Variants in BIN1 observed in about 807,000 individuals in gnomAD.
The protein encoded by BIN1 is myc box-dependent-interacting protein 1.
BIN1 carries 53 observed loss-of-function variants against 82.0 expected under a neutral mutation model. The observed-to-expected ratio is 0.65, with a 90% confidence interval of 0.52 to 0.81. The LOEUF (loss-of-function observed/expected upper bound fraction) is 0.81, where lower values mean the gene tolerates loss of function less well. Among genes scored for constraint, BIN1 ranks in the 40% least tolerant of loss-of-function variants. The pLI is 0.00. For synonymous variants in BIN1, 302 were observed against 328.0 expected (o/e 0.92, Z 0.86); for missense variants, 642 against 784.4 (o/e 0.82, Z 2.17).
intron 1 of BIN1, 148 bp from the exon 2 acceptor site, chr2:127,076,854 A>G: frequency 1.2e-6 from 1 of 841,550 alleles, no homozygotes; most frequent in Middle Eastern, 3.3e-4. Context: ...CAGGGCTGCA[A>G]TCCCAGGGCA....
intron 12 of BIN1, 157 bp from the exon 13 acceptor site, chr2:127,054,169 G>A: frequency 1.5e-6 from 1 of 679,994 alleles, no homozygotes; most frequent in South Asian, 1.7e-5. Flanking sequence ...ACACACGCTG[G>A]CACACAGCCC....
rs1256419436 is a variant in BIN1 at position 127,057,516 on chromosome 2, T to TCAAACA, written c.1082_1087dup (p.Phe362_Glu363insValPhe). 6.5e-6 allele frequency: 10 copies of TCAAACA among 1,547,212 alleles called. No individual in the cohort carries two copies. The highest frequency in any genetic ancestry group is 7.9e-6 in the Non-Finnish European group (9 of 1,144,066). On this transcript the variant is annotated inframe_insertion, in exon 12 of 19. Coordinates refer to ENST00000316724, the MANE Select transcript of BIN1 (RefSeq NM_139343.3). This position sits in a 1 kb window ranked among gnomAD's most constrained non-coding sequence, Gnocchi z 5.0. ...GCTGATCTCAGGGACAAACGTGTCC[T>TCAAACA]CAAACAGGCTGAGGATCTGCTCCTG...
chr2:127,092,809 C>T (rs557103494), intron 1 of BIN1, among the ~76,000 whole-genome samples: 2 of 152,272 alleles, frequency 1.3e-5, no homozygotes, highest in East Asian at 3.9e-4. Flanking sequence ...GCAGGGACCC[C>T]ATGAAGGAGA....
intron 2 of BIN1, among the ~76,000 whole-genome samples, chr2:127,073,956 G>A (rs1005325867): frequency 3.3e-5 from 5 of 152,176 alleles, no homozygotes; most frequent in Admixed American, 2.0e-4. Context: ...CCAGCGCCAG[G>A]TGGGCCCAGG....
In BIN1 at chr2:127,057,683, C is replaced by A; in HGVS notation, c.1003-82G>T. ...TTGGGGGAGACAGACAGAGACAAAG[C>A]CACGGTTAGTCACACCTCAGGCCAC... On this transcript the variant is annotated intron_variant, in intron 11 of 18. Coordinates refer to ENST00000316724, the MANE Select transcript of BIN1 (RefSeq NM_139343.3). This position sits in a 1 kb window ranked among gnomAD's most constrained non-coding sequence, Gnocchi z 5.0. 7.0e-7 allele frequency: 1 copy of A among 1,426,466 alleles called. No individual in the cohort carries two copies. Among genetic ancestry groups the A allele is most frequent in the Non-Finnish European group, 9.2e-7 (1 of 1,085,090 alleles). The allele number at this position is 1,426,466 out of a possible 1,614,324, so 88.4% of individuals were successfully genotyped here.
At position 127,059,936 on chromosome 2, in the gene BIN1, A is replaced by G. The variant is rs573378920; in HGVS notation, c.858-781T>C. 6.6e-5 allele frequency among the ~76,000 whole-genome samples: 10 copies of G among 152,308 alleles called. No individual in the cohort carries two copies. Among genetic ancestry groups the G allele is most frequent in the Non-Finnish European group, 1.5e-4 (10 of 68,022 alleles). ...GCCCAGTACGGTTGCCACTAGCCAC[A>G]GGCGGCAATGCAAACTCAAAGCAAT... On this transcript the variant is annotated intron_variant, in intron 10 of 18. Transcript: ENST00000316724. This position sits in a 1 kb window ranked among gnomAD's most constrained non-coding sequence, Gnocchi z 6.7.
intron 15 of BIN1, 84 bp from the exon 16 acceptor site, chr2:127,051,327 C>T: frequency 6.9e-7 from 1 of 1,443,622 alleles, no homozygotes; most frequent in Non-Finnish European, 9.6e-7. Context: ...AGGGCAGCAC[C>T]CAAGCGACAG....
At chr2:127,101,314 G>A (rs776574953) in intron 1 of BIN1, among the ~76,000 whole-genome samples, 4 of 152,166 alleles carry the variant, frequency 2.6e-5, no homozygotes, top group Admixed American at 1.3e-4. Flanking sequence ...CCATCCTCCC[G>A]TGGGTGCCCC....
chr2:127,099,590 T>C (rs976472266), intron 1 of BIN1, among the ~76,000 whole-genome samples: 14 of 152,216 alleles, frequency 9.2e-5, no homozygotes, highest in Non-Finnish European at 2.9e-5. Flanking sequence ...CTGGGCTCAC[T>C]GCAACCGCCG....
rs1686827025 is a variant in BIN1 at position 127,077,963 on chromosome 2, C to G, written c.85-1257G>C. Among the ~76,000 whole-genome samples, 3 of 152,168 alleles carry G rather than the reference C, an allele frequency of 2.0e-5. No homozygotes were observed. In the South Asian group the frequency reaches 6.2e-4, roughly 32 times the overall value. Reference sequence around the variant, plus strand: ...GGTGGGCCCAGGAGCGGTGGGGAGCCCCAGGAGCAAAGGGCCAGCCCAGCA... The same window carrying G: ...GGTGGGCCCAGGAGCGGTGGGGAGCGCCAGGAGCAAAGGGCCAGCCCAGCA... On this transcript the variant is annotated intron_variant, in intron 1 of 18. Transcript: ENST00000316724.
Position 127,068,681 on chromosome 2 carries a change from G to T in BIN1, c.519+243C>A, listed in dbSNP as rs1685474011. Among the ~76,000 whole-genome samples, 1 of 152,186 alleles carries T rather than the reference G, an allele frequency of 6.6e-6. No homozygotes were observed. The highest frequency in any genetic ancestry group is 1.5e-5 in the Non-Finnish European group (1 of 68,024). ...ACCCAGGAGGCCCATTCTCAGGCTG[G>T]CAGGTGGCCTGGATCAGGGCTGAGG... On this transcript the variant is annotated intron_variant, in intron 6 of 18. Coordinates refer to ENST00000316724, the MANE Select transcript of BIN1 (RefSeq NM_139343.3). The surrounding 1 kb of genome is among the most constrained non-coding windows in gnomAD (Gnocchi z 4.9).
intron 2 of BIN1, among the ~76,000 whole-genome samples, chr2:127,076,113 T>A (rs1458178580): frequency 6.6e-6 from 1 of 150,732 alleles, no homozygotes; most frequent in Non-Finnish European, 1.5e-5. Context: ...CCAGCTGCCC[T>A]CAGCCCTCTC....
At position 127,073,069 on chromosome 2, in the gene BIN1, C is replaced by G. The variant is rs924505509; in HGVS notation, c.166-2253G>C. ...CCCCATGGGGTGGGTCGTTGTGCTC[C>G]CCCGGGCTTCAGGCCGTACCAGGGC... On this transcript the variant is annotated intron_variant, in intron 2 of 18. Coordinates refer to ENST00000316724, the MANE Select transcript of BIN1 (RefSeq NM_139343.3). Among the ~76,000 whole-genome samples, 3 of 152,216 alleles carry G rather than the reference C, an allele frequency of 2.0e-5. No individual in the cohort carries two copies. In the East Asian group the frequency reaches 5.8e-4, roughly 29 times the overall value.
chr2:127,086,942 G>A (rs916487343), intron 1 of BIN1, among the ~76,000 whole-genome samples: 6 of 152,106 alleles, frequency 3.9e-5, no homozygotes, highest in African/African-American at 9.7e-5. Context: ...ACACTTTTCC[G>A]TGGTCCCCTG....
intron 10 of BIN1, chr2:127,060,703 C>A: frequency 6.3e-7 from 1 of 1,599,008 alleles, no homozygotes; most frequent in Non-Finnish European, 8.6e-7. Flanking sequence ...CAGAACTGGC[C>A]TGTCCCCTTC....
intron 13 of BIN1, chr2:127,053,692 G>A (rs1022605491): frequency 2.8e-6 from 2 of 707,160 alleles, no homozygotes; most frequent in Non-Finnish European, 5.0e-6. Context: ...TTGCCAGGAA[G>A]TGTTCAGTAA....
intron 12 of BIN1, chr2:127,054,799 GT>G (rs1222753773): frequency 6.6e-6 from 1 of 152,332 alleles, no homozygotes; most frequent in Non-Finnish European, 1.5e-5. Context: ...ATGGGACACG[GT>G]GGCCCTGGCC....
rs1377710084 is a variant in BIN1, at chr2:127,090,532, A to G, written c.85-13826T>C. ...CCACACAAGTGCGGGTGCTATTCTC[A>G]GCCCAGCTCCAGGACACTGGCCATA... On this transcript the variant is annotated intron_variant, in intron 1 of 18. Transcript: ENST00000316724. This position sits in a 1 kb window ranked among gnomAD's most constrained non-coding sequence, Gnocchi z 6.4. Among the ~76,000 whole-genome samples the G allele has an allele frequency of 6.6e-6, 1 of 152,178 alleles. No homozygotes were observed. The highest frequency in any genetic ancestry group is 1.5e-5 in the Non-Finnish European group (1 of 68,026).
At chr2:127,077,414 C>T (rs919106478) in intron 1 of BIN1, among the ~76,000 whole-genome samples, 1 of 152,142 alleles carries the variant, frequency 6.6e-6, no homozygotes, top group Non-Finnish European at 1.5e-5. Context: ...TCCCCCTCAA[C>T]CCCCCACGAT....
Sources: allele counts gnomAD v4.1 joint callset (sites outside exome capture counted in the v4.1 genomes callset), GRCh38; gene constraint gnomAD v4.1.1; non-coding constraint Gnocchi (gnomAD v3.1); transcripts MANE v1.5; gene names NCBI Gene and HGNC (gene_info 2026-07-23, HGNC 2026-07-21).